Variants in SMAD2 observed in about 807,000 individuals in gnomAD.
The protein encoded by SMAD2 is SMAD family member 2.
In SMAD2, 8 loss-of-function variants were observed where a neutral mutation model predicts 64.4. That is an observed-to-expected ratio of 0.12 (90% CI 0.07 to 0.22). The LOEUF (loss-of-function observed/expected upper bound fraction) is 0.22, where lower values mean the gene tolerates loss of function less well. Ranked by LOEUF, SMAD2 falls within the 10% of genes least tolerant of loss-of-function variation. SMAD2 has a pLI of 1.00. For missense variants in SMAD2, 289 were observed against 561.2 expected (o/e 0.51, Z 4.90); for synonymous variants, 203 against 195.8 (o/e 1.04, Z -0.31).
At chr18:47,894,278 C>G (rs1406595636) in intron 2 of SMAD2, among the ~76,000 whole-genome samples, 1 of 152,188 alleles carries the variant, frequency 6.6e-6, no homozygotes, top group Non-Finnish European at 1.5e-5. Context: ...ACCAGTCTCC[C>G]GGCCTCCATT....
chr18:47,902,998 T>C (rs926792141), intron 1 of SMAD2, among the ~76,000 whole-genome samples: 7 of 152,094 alleles, frequency 4.6e-5, no homozygotes, highest in Non-Finnish European at 8.8e-5. Context: ...CACTAAGTAC[T>C]TGCAAAAAGT....
chr18:47,882,093 A>G (rs909217041), intron 2 of SMAD2, among the ~76,000 whole-genome samples: 5 of 104,776 alleles, frequency 4.8e-5, no homozygotes, highest in Middle Eastern at 0.011. Flanking sequence ...TATGTTGCCT[A>G]GGCTGGTTTC....
In SMAD2 at chr18:47,867,407, C is replaced by T. The variant is rs539776674; in HGVS notation, c.655+916G>A. Reference sequence around the variant, plus strand: ...ATAAGCATTATTTCCATGATGGATACATGAAAGAAATAATTGTTTAAATGT... The same window carrying T: ...ATAAGCATTATTTCCATGATGGATATATGAAAGAAATAATTGTTTAAATGT... On this transcript the variant is annotated intron_variant, in intron 5 of 10. Transcript: ENST00000262160. 3 of 151,394 alleles carry T rather than the reference C, an allele frequency of 2.0e-5. No individual in the cohort carries two copies. In the South Asian group the frequency reaches 6.2e-4, roughly 32 times the overall value. 9.4% of individuals were successfully genotyped at this position (151,394 alleles called of 1,614,324 possible).
chr18:47,841,975 G>C (rs1339265719), intron 10 of SMAD2, 25 bp from the exon 11 acceptor site: 2 of 1,613,646 alleles, frequency 1.2e-6, no homozygotes, highest in Non-Finnish European at 8.5e-7. Flanking sequence ...ACAGGAAAAT[G>C]ATTATGAAAT....
At position 47,815,686 on chromosome 18, in the gene SMAD2, G is replaced by A. The variant is rs888615163; in HGVS notation, c.*26141C>T. The A allele has an allele frequency of 6.6e-6, 1 of 152,412 alleles. No homozygotes were observed. Among genetic ancestry groups the A allele is most frequent in the African/African-American group, 2.4e-5 (1 of 41,592 alleles). 9.4% of individuals were successfully genotyped at this position (152,412 alleles called of 1,614,324 possible). ...GCAAATGGAGGGGTGATTTAGTAAG[G>A]AGGGGGTGAAACCGAAAATCAACAA... On this transcript the variant is annotated 3_prime_UTR_variant, in exon 11 of 11. Transcript: ENST00000262160.
At chr18:47,859,739 AAAGT>A (rs1476030951) in intron 6 of SMAD2, among the ~76,000 whole-genome samples, 2 of 152,230 alleles carry the variant, frequency 1.3e-5, no homozygotes, top group African/African-American at 2.4e-5. Flanking sequence ...GATTAAATGA[AAAGT>A]AAGCAGACAA....
At chr18:47,912,392 T>C (rs2034171958) in intron 1 of SMAD2, 1 of 152,234 alleles carries the variant, frequency 6.6e-6, no homozygotes. Flanking sequence ...CTGAGTGGCA[T>C]GTAATGGTAC....
intron 2 of SMAD2, among the ~76,000 whole-genome samples, chr18:47,879,496 G>A (rs1444618524): frequency 4.9e-5 from 1 of 20,484 alleles, no homozygotes; most frequent in Non-Finnish European, 7.8e-5. Context: ...TGTATATGAC[G>A]TGTGTGTGTG....
intron 3 of SMAD2, among the ~76,000 whole-genome samples, chr18:47,870,037 A>G (rs986013354): frequency 6.6e-6 from 1 of 152,306 alleles, no homozygotes; most frequent in East Asian, 1.9e-4. Context: ...GATTAAAAAA[A>G]GTAACATAAA....
chr18:47,818,325 C>T lies in SMAD2; in HGVS notation c.*23502G>A, dbSNP rs960689996. On this transcript the variant is annotated 3_prime_UTR_variant, in exon 11 of 11. Coordinates refer to ENST00000262160, the MANE Select transcript of SMAD2 (RefSeq NM_005901.6). ...CCAACACCTAGAATTAAGAAGTATC[C>T]CTTTTAATGTAAATTTAGGTTTGCC... is the stretch of plus-strand genomic sequence containing the variant. 6.6e-6 allele frequency: 1 copy of T among 152,056 alleles called. No homozygotes were observed. The highest frequency in any genetic ancestry group is 2.4e-5 in the African/African-American group (1 of 41,402). The allele number at this position is 152,056 out of a possible 1,614,324, so 9.4% of individuals were successfully genotyped here.
chr18:47,826,945 G>C lies in SMAD2; in HGVS notation c.*14882C>G, dbSNP rs1024753588. On this transcript the variant is annotated 3_prime_UTR_variant, in exon 11 of 11. Coordinates refer to ENST00000262160, the MANE Select transcript of SMAD2 (RefSeq NM_005901.6). ...CTAAAAACTAACTTCCTCATTTTAG[G>C]GAACTGGAGGAAATGAAGAACTTTA... is the stretch of plus-strand genomic sequence containing the variant. 6.6e-6 allele frequency: 1 copy of C among 152,038 alleles called. No homozygotes were observed. Among genetic ancestry groups the C allele is most frequent in the Admixed American group, 6.6e-5 (1 of 15,264 alleles). The allele number at this position is 152,038 out of a possible 1,614,324, so 9.4% of individuals were successfully genotyped here.
At chr18:47,874,472 T>G (rs1598813216) in intron 2 of SMAD2, among the ~76,000 whole-genome samples, 1 of 152,214 alleles carries the variant, frequency 6.6e-6, no homozygotes, top group South Asian at 2.1e-4. Flanking sequence ...AACACTGGTA[T>G]ATGCATTTGT....
At chr18:47,919,442 AG>A (rs2034467785) in intron 1 of SMAD2, among the ~76,000 whole-genome samples, 1 of 78,496 alleles carries the variant, frequency 1.3e-5, no homozygotes, top group Non-Finnish European at 3.5e-5. Context: ...TAGACAACAG[AG>A]TGTGACCTTG....
chr18:47,878,371 C>A (rs1373926299), intron 2 of SMAD2: 1 of 152,134 alleles, frequency 6.6e-6, no homozygotes, highest in African/African-American at 2.4e-5. Context: ...AATTCTATTA[C>A]AAAAGACTGC....
rs1339931108 is a variant in SMAD2, at chr18:47,885,172, CACACACACACAT to C, written c.236+11337_236+11348del. On this transcript the variant is annotated intron_variant, in intron 2 of 10. Coordinates refer to ENST00000262160, the MANE Select transcript of SMAD2 (RefSeq NM_005901.6). ...ACACACACACACACACACACACACA[CACACACACACAT>C]ATACCCTCCCCCCCCAAGACAGTCT... 7.3e-4 allele frequency among the ~76,000 whole-genome samples: 85 copies of C among 117,204 alleles called. 1 individual carries two copies. Among genetic ancestry groups the C allele is most frequent in the East Asian group, 5.2e-3 (21 of 4,074 alleles). The allele number at this position is 117,204 out of a possible 152,430, so 76.9% of individuals were successfully genotyped here.
chr18:47,865,161 C>G (rs1238437327), intron 5 of SMAD2, 28 bp from the exon 6 acceptor site: 2 of 1,247,044 alleles, frequency 1.6e-6, no homozygotes, highest in Admixed American at 3.4e-5. Flanking sequence ...AAATCAAGCA[C>G]AGCTGCAACA....
chr18:47,837,964 A>G lies in SMAD2; in HGVS notation c.*3863T>C, dbSNP rs771058860. ...TACGCCACCCTCAGACGAAGAGGGT[A>G]TCTAACACTGAATAAATGCTGAACC... On this transcript the variant is annotated 3_prime_UTR_variant, in exon 11 of 11. Transcript: ENST00000262160. 1 of 232,696 alleles carries G rather than the reference A, an allele frequency of 4.3e-6. No homozygotes were observed. Among genetic ancestry groups the G allele is most frequent in the Non-Finnish European group, 8.5e-6 (1 of 117,418 alleles). 14.4% of individuals were successfully genotyped at this position (232,696 alleles called of 1,614,324 possible). A position where few individuals can be genotyped will look rare whatever the true frequency, so the allele number is the denominator to read the frequency against.
chr18:47,843,586 T>C (rs959436636), intron 10 of SMAD2, among the ~76,000 whole-genome samples: 3 of 152,234 alleles, frequency 2.0e-5, no homozygotes, highest in South Asian at 2.1e-4. Flanking sequence ...ACCTAAACAT[T>C]AGGTCTATTT....
chr18:47,927,425 TAAC>T (rs1340048052), intron 1 of SMAD2, among the ~76,000 whole-genome samples: 3 of 152,218 alleles, frequency 2.0e-5, no homozygotes, highest in Non-Finnish European at 4.4e-5. Flanking sequence ...ATTTGTACAC[TAAC>T]AACTGTCTTA....
Sources: gnomAD v4.1 joint callset for allele counts (sites outside exome capture counted in the v4.1 genomes callset) on GRCh38, gnomAD v4.1.1 for gene constraint, MANE v1.5 for transcripts, NCBI Gene and HGNC (gene_info 2026-07-23, HGNC 2026-07-21) for gene names.